The following LCA5 variants were observed in gnomAD, a reference collection of about 807,000 sequenced individuals.
The protein encoded by LCA5 is lebercilin.
Under a neutral mutation model 53.0 loss-of-function variants are expected in LCA5, and 37 were observed. The ratio of observed to expected loss-of-function variants is 0.70; its 90% CI spans 0.54 to 0.92. The LOEUF (loss-of-function observed/expected upper bound fraction) is 0.92. LCA5 is among the 40% of genes least tolerant of loss of function. The probability of loss-of-function intolerance (pLI) is 0.00; values close to 1 mark genes in which losing one functional copy is unlikely to be tolerated. For synonymous variants in LCA5, 303 were observed against 282.9 expected, an observed-to-expected ratio of 1.07 and a Z score of -0.71; for missense variants, 806 against 790.5, an observed-to-expected ratio of 1.02 and a Z score of -0.23.
At chr6:79,501,852 T>C (rs1351733295) in intron 3 of LCA5, among the ~76,000 whole-genome samples, 1 of 151,410 alleles carries the variant, frequency 6.6e-6, no homozygotes, top group Non-Finnish European at 1.5e-5. Flanking sequence ...TCTATAACTG[T>C]ATATTCTATA....
intron 7 of LCA5, 58 bp downstream of exon 7, chr6:79,489,026 T>A (rs546490699): frequency 6.3e-7 from 1 of 1,591,520 alleles, no homozygotes; most frequent in East Asian, 2.2e-5. Context: ...AGACGCTCAC[T>A]CTTTCTTTCT....
intron 4 of LCA5, 45 bp from the exon 5 acceptor site, chr6:79,492,692 A>C: frequency 1.1e-6 from 1 of 907,008 alleles, no homozygotes. Flanking sequence ...GCCTCTGCTT[A>C]AAACAAAACA....
intron 1 of LCA5, among the ~76,000 whole-genome samples, chr6:79,526,446 AGGCAGGAGAAT>A (rs1284312432): frequency 6.6e-6 from 1 of 152,148 alleles, no homozygotes; most frequent in African/African-American, 2.4e-5. Context: ...TGGGAGGCTG[AGGCAGGAGAAT>A]GGCGTGAACC....
intron 3 of LCA5, among the ~76,000 whole-genome samples, chr6:79,497,956 CAAAAA>C (rs34167121): frequency 5.4e-5 from 5 of 92,778 alleles, no homozygotes; most frequent in Admixed American, 1.2e-4. Flanking sequence ...GACTCCATCT[CAAAAA>C]AAAAAAAAAA....
chr6:79,486,382 A>G lies in LCA5; in HGVS notation c.*622T>C, dbSNP rs557244940. 6.6e-6 allele frequency: 1 copy of G among 152,280 alleles called. No individual in the cohort carries two copies. The highest frequency in any genetic ancestry group is 2.4e-5 in the African/African-American group (1 of 41,464). 9.4% of individuals were successfully genotyped at this position (152,280 alleles called of 1,614,324 possible). A position where few individuals can be genotyped will look rare whatever the true frequency, so the allele number is the denominator to read the frequency against. On this transcript the variant is annotated 3_prime_UTR_variant, in exon 8 of 8. Transcript: ENST00000369846. ...CAACATAATATTCTAACAGAATTGT[A>G]GGTAAGTGATTTCAGTAAATACTGA...
At position 79,510,019 on chromosome 6, in the gene LCA5, G is replaced by A. The variant is rs116468618; in HGVS notation, c.720+3193C>T. ...CTTATTCTAAAATTTATGTGGAAAG[G>A]CAGAAGATCAAGAGTAGCTAAAATA... On this transcript the variant is annotated intron_variant, in intron 3 of 7. Transcript: ENST00000369846. Among the ~76,000 whole-genome samples the A allele has an allele frequency of 3.3e-3, 496 of 152,272 alleles. 3 individuals carry two copies. The highest frequency in any genetic ancestry group is 0.011 in the African/African-American group (467 of 41,574).
intron 3 of LCA5, among the ~76,000 whole-genome samples, chr6:79,508,943 T>A (rs981311429): frequency 1.3e-5 from 2 of 152,112 alleles, no homozygotes; most frequent in Non-Finnish European, 2.9e-5. Context: ...AACTCAATAG[T>A]AAATATTTCA....
Position 79,486,507 on chromosome 6 carries a change from C to A in LCA5, c.*497G>T, listed in dbSNP as rs114346256. On this transcript the variant is annotated 3_prime_UTR_variant, in exon 8 of 8. Transcript: ENST00000369846. ...ACTCAAGAGTAGCTTAGGACTGCCA[C>A]GTAAGATAGGGACCCCTGGCCCTAT... 2 of 154,370 alleles carry A rather than the reference C, an allele frequency of 1.3e-5. No individual in the cohort carries two copies. Among genetic ancestry groups the A allele is most frequent in the South Asian group, 4.1e-4 (2 of 4,924 alleles). 9.6% of individuals were successfully genotyped at this position (154,370 alleles called of 1,614,324 possible).
intron 3 of LCA5, among the ~76,000 whole-genome samples, chr6:79,498,482 T>C (rs1279464655): frequency 1.3e-5 from 2 of 152,088 alleles, no homozygotes; most frequent in Non-Finnish European, 2.9e-5. Context: ...AAGTTCCAAA[T>C]GATAATAACT....
At chr6:79,492,518 A>G in intron 5 of LCA5, 33 bp downstream of exon 5, 1 of 1,011,160 alleles carries the variant, frequency 9.9e-7, no homozygotes, top group Non-Finnish European at 1.5e-6. Context: ...AATAGCAATA[A>G]TATCAGTTTT....
chr6:79,532,597 T>C (rs971083408), intron 1 of LCA5, among the ~76,000 whole-genome samples: 7 of 152,320 alleles, frequency 4.6e-5, no homozygotes, highest in Middle Eastern at 3.4e-3. Context: ...GCCTTAGTAC[T>C]TGCTGCACTA....
At position 79,486,842 on chromosome 6, in the gene LCA5, G is replaced by A; in HGVS notation, c.*162C>T. 1 of 602,376 alleles carries A rather than the reference G, an allele frequency of 1.7e-6. No homozygotes were observed. The highest frequency in any genetic ancestry group is 2.8e-6 in the Non-Finnish European group (1 of 354,598). The allele number at this position is 602,376 out of a possible 1,614,324, so 37.3% of individuals were successfully genotyped here. On this transcript the variant is annotated 3_prime_UTR_variant, in exon 8 of 8. Transcript: ENST00000369846. ...TCATTCTTGGCAAACTATCTATGTG[G>A]TGTATGTATGATCTACTTCTTTTTA... is the stretch of plus-strand genomic sequence containing the variant.
At chr6:79,536,496 C>T (rs984657908) in intron 1 of LCA5, among the ~76,000 whole-genome samples, 4 of 152,224 alleles carry the variant, frequency 2.6e-5, no homozygotes, top group African/African-American at 9.6e-5. Context: ...TAAACACTAT[C>T]CCACGGTCTA....
chr6:79,508,185 T>C (rs1770319345), intron 3 of LCA5, among the ~76,000 whole-genome samples: 1 of 152,304 alleles, frequency 6.6e-6, no homozygotes, highest in Admixed American at 6.5e-5. Flanking sequence ...ATCCCTGGTC[T>C]ATGGCCCGGA....
At chr6:79,511,274 T>C (rs1441477657) in intron 3 of LCA5, among the ~76,000 whole-genome samples, 2 of 152,180 alleles carry the variant, frequency 1.3e-5, no homozygotes, top group South Asian at 2.1e-4. Flanking sequence ...TAATACTCCA[T>C]AGTACATCCA....
rs200451223 is a variant in LCA5, at chr6:79,496,007, C to CA, written c.721-2258dup. Among the ~76,000 whole-genome samples the CA allele has an allele frequency of 6.0e-3, 905 of 151,762 alleles. 7 individuals are homozygous for CA. Among genetic ancestry groups the CA allele is most frequent in the Middle Eastern group, 0.014 (4 of 292 alleles). On this transcript the variant is annotated intron_variant, in intron 3 of 7. Transcript: ENST00000369846. Reference sequence around the variant, plus strand: ...AGTAACATGAAACCAAAAAGCTCAGCAAAAAAATGGAGGAAATATGTAAAC... The same window carrying CA: ...AGTAACATGAAACCAAAAAGCTCAGCAAAAAAAATGGAGGAAATATGTAAAC...
intron 3 of LCA5, among the ~76,000 whole-genome samples, chr6:79,495,045 G>C (rs945709908): frequency 2.0e-5 from 3 of 152,222 alleles, no homozygotes; most frequent in African/African-American, 2.4e-5. Context: ...AACCGGGCTT[G>C]CACAGCAGGA....
At chr6:79,518,497 G>C (rs532729367) in intron 2 of LCA5, among the ~76,000 whole-genome samples, 3 of 152,018 alleles carry the variant, frequency 2.0e-5, no homozygotes, top group Non-Finnish European at 4.4e-5. Flanking sequence ...TCTGTATACT[G>C]TATGACTTTG....
chr6:79,504,736 T>C lies in LCA5; in HGVS notation c.720+8476A>G, dbSNP rs562810146. ...AGTAATAAGGAAAGGGTTCATCATA[T>C]TATGATATATCTACACAATGGAATA... is the stretch of plus-strand genomic sequence containing the variant. On this transcript the variant is annotated intron_variant, in intron 3 of 7. Coordinates refer to ENST00000369846, the MANE Select transcript of LCA5 (RefSeq NM_001122769.3). Among the ~76,000 whole-genome samples, 20 of 152,238 alleles carry C rather than the reference T, an allele frequency of 1.3e-4. No individual in the cohort carries two copies. The South Asian group carries it at 4.1e-3, about 32-fold the overall frequency.
Sources: gnomAD v4.1 joint callset for allele counts (sites outside exome capture counted in the v4.1 genomes callset) on GRCh38, gnomAD v4.1.1 for gene constraint, MANE v1.5 for transcripts, NCBI Gene and HGNC (gene_info 2026-07-23, HGNC 2026-07-21) for gene names.